Variants in RAB40C observed in about 807,000 individuals in gnomAD.
The protein encoded by RAB40C is RAB40C, member RAS oncogene family, also known as ras-related protein Rab-40C.
RAB40C carries 8 observed loss-of-function variants against 28.1 expected under a neutral mutation model. That is an observed-to-expected ratio of 0.28 (90% CI 0.17 to 0.51). RAB40C has a LOEUF of 0.51. Ranked by LOEUF, RAB40C falls within the 20% of genes least tolerant of loss-of-function variation. The pLI is 0.97. For synonymous variants in RAB40C, 201 were observed against 171.7 expected (o/e 1.17, Z -1.34); for missense variants, 288 against 405.9 (o/e 0.71, Z 2.50).
upstream of RAB40C, chr16:589,550 A>T (rs949117685): frequency 2.6e-5 from 4 of 152,226 alleles, no homozygotes; most frequent in Admixed American, 6.5e-5. Context: ...GCGAGCGTGT[A>T]GGAAAGGGGC....
At chr16:618,066 G>A in intron 2 of RAB40C, 134 bp from the exon 3 acceptor site, 1 of 777,588 alleles carries the variant, frequency 1.3e-6, no homozygotes. Flanking sequence ...AAGCCGCTTA[G>A]CACAGCCTCA....
intron 3 of RAB40C, chr16:625,138 G>A (rs750993639): frequency 5.2e-6 from 7 of 1,357,232 alleles, no homozygotes; most frequent in Non-Finnish European, 6.8e-6. Flanking sequence ...CCCCGCATCT[G>A]CCTGCCCAGG....
At chr16:591,801 C>T (rs1176530212) in intron 1 of RAB40C, among the ~76,000 whole-genome samples, 1 of 152,006 alleles carries the variant, frequency 6.6e-6, no homozygotes, top group Non-Finnish European at 1.5e-5. Flanking sequence ...TTCAGCATGT[C>T]GGCCAGGATG....
intron 1 of RAB40C, among the ~76,000 whole-genome samples, chr16:591,068 G>A (rs1188469312): frequency 6.6e-6 from 1 of 150,718 alleles, no homozygotes; most frequent in Non-Finnish European, 1.5e-5. Context: ...TCTGGGGGAA[G>A]GCATCATGGT....
chr16:626,881 T>G (rs901327282), intron 5 of RAB40C, among the ~76,000 whole-genome samples: 1 of 152,194 alleles, frequency 6.6e-6, no homozygotes, highest in Admixed American at 6.5e-5. Context: ...GAGGTTGCAG[T>G]GAGCGGAGAT....
chr16:618,187 C>T lies in RAB40C; in HGVS notation c.204-13C>T, dbSNP rs2036629025. ...ACCACAGTCCCGGCCCCTCCCCTCC[C>T]CGTATGTTTCAGGGACACGTCGGGC... On this transcript the variant is annotated splice_polypyrimidine_tract_variant and intron_variant, in intron 2 of 5. Coordinates refer to ENST00000248139, the MANE Select transcript of RAB40C (RefSeq NM_021168.5). 6.2e-7 allele frequency: 1 copy of T among 1,611,440 alleles called. No individual in the cohort carries two copies.
chr16:616,894 C>G (rs1009780741), intron 1 of RAB40C: 4 of 398,132 alleles, frequency 1.0e-5, no homozygotes, highest in Non-Finnish European at 1.4e-5. Flanking sequence ...GGCGGAGGCC[C>G]CATTCCAGGC....
intron 4 of RAB40C, 99 bp from the exon 5 acceptor site, chr16:625,800 T>C: frequency 3.3e-6 from 4 of 1,230,498 alleles, no homozygotes; most frequent in Admixed American, 4.1e-5. Flanking sequence ...CCCACGGCCC[T>C]CACCCCATCA....
chr16:601,698 G>A (rs944970000), intron 1 of RAB40C, among the ~76,000 whole-genome samples: 2 of 151,704 alleles, frequency 1.3e-5, no homozygotes, highest in African/African-American at 2.4e-5. Context: ...ACACAGGACC[G>A]GGTGCGGTGG....
intron 3 of RAB40C, among the ~76,000 whole-genome samples, chr16:620,939 AAG>A (rs1678717321): frequency 6.6e-6 from 1 of 152,140 alleles, no homozygotes; most frequent in Non-Finnish European, 1.5e-5. Context: ...AGAACTAAAA[AAG>A]AAAAAAGCAG....
At chr16:607,308 C>A (rs569876893) in intron 1 of RAB40C, among the ~76,000 whole-genome samples, 25 of 151,978 alleles carry the variant, frequency 1.6e-4, no homozygotes, top group African/African-American at 5.8e-4. Flanking sequence ...ACCAGCCTGG[C>A]CAACATGGTG....
At chr16:623,464 A>G (rs1432712872) in intron 3 of RAB40C, among the ~76,000 whole-genome samples, 4 of 151,954 alleles carry the variant, frequency 2.6e-5, no homozygotes, top group East Asian at 1.9e-4. Flanking sequence ...CCTGGCTAAC[A>G]CGGTGAAACC....
At chr16:606,618 G>A (rs376490054) in intron 1 of RAB40C, among the ~76,000 whole-genome samples, 2 of 152,380 alleles carry the variant, frequency 1.3e-5, no homozygotes, top group South Asian at 2.1e-4. Flanking sequence ...TTGGGAGGTT[G>A]GCAGAATTCC....
intron 3 of RAB40C, 191 bp from the exon 4 acceptor site, chr16:625,241 A>C: frequency 6.9e-7 from 1 of 1,443,692 alleles, no homozygotes; most frequent in Non-Finnish European, 9.2e-7. Flanking sequence ...CAGTCCTGCC[A>C]GGTGAGGGCA....
Position 611,516 on chromosome 16 carries a change from G to A in RAB40C, c.143-5692G>A, listed in dbSNP as rs972294575. On this transcript the variant is annotated intron_variant, in intron 1 of 5. Transcript: ENST00000248139. ...GTCCCTGCTTGACAGAACCACCGGA[G>A]GAGGGAGGTGCGGGAAGGGTGTTGA... 8.5e-5 allele frequency among the ~76,000 whole-genome samples: 13 copies of A among 152,250 alleles called. 1 individual carries two copies. The highest frequency in any genetic ancestry group is 1.9e-4 in the Non-Finnish European group (13 of 68,048).
intron 1 of RAB40C, among the ~76,000 whole-genome samples, chr16:606,716 A>G (rs1377403217): frequency 6.6e-6 from 1 of 152,202 alleles, no homozygotes; most frequent in Non-Finnish European, 1.5e-5. Flanking sequence ...TGCGTTGTTC[A>G]CGGAGGGCCC....
intron 1 of RAB40C, among the ~76,000 whole-genome samples, chr16:597,936 A>C (rs1401445983): frequency 7.9e-6 from 1 of 126,900 alleles, no homozygotes; most frequent in Non-Finnish European, 1.7e-5. Context: ...CCCCATCTCT[A>C]CAAAAAAAAA....
intron 1 of RAB40C, among the ~76,000 whole-genome samples, chr16:594,731 G>A (rs1383412052): frequency 3.9e-5 from 6 of 152,052 alleles, no homozygotes; most frequent in African/African-American, 1.4e-4. Context: ...GCTTCCCTGT[G>A]CCTACTGTTG....
chr16:621,105 G>C (rs779666099), intron 3 of RAB40C, among the ~76,000 whole-genome samples: 2 of 152,226 alleles, frequency 1.3e-5, no homozygotes, highest in Admixed American at 6.5e-5. Context: ...CACATGCGAG[G>C]AGCAGGTTAC....
Sources: gnomAD v4.1 joint callset for allele counts (sites outside exome capture counted in the v4.1 genomes callset) on GRCh38, gnomAD v4.1.1 for gene constraint, MANE v1.5 for transcripts, NCBI Gene and HGNC (gene_info 2026-07-23, HGNC 2026-07-21) for gene names.